AGO3: variants seen among roughly 807,000 people sequenced by gnomAD.
AGO3 encodes argonaute RISC catalytic component 3.
In AGO3, 16 loss-of-function variants were observed where a neutral mutation model predicts 105.5. The observed-to-expected ratio is 0.15, with a 90% CI of 0.10 to 0.23. The LOEUF (loss-of-function observed/expected upper bound fraction) is 0.23, where lower values mean the gene tolerates loss of function less well. Among genes scored for constraint, AGO3 ranks in the 10% least tolerant of loss-of-function variants. The pLI is 1.00. For synonymous variants in AGO3, 340 were observed against 367.3 expected (o/e 0.93, Z 0.85); for missense variants, 534 against 1,088.0 (o/e 0.49, Z 7.16).
At position 36,016,473 on chromosome 1, in the gene AGO3, C is replaced by T. The variant is rs116428079; in HGVS notation, c.1406+2425C>T. Among the ~76,000 whole-genome samples, 1,266 of 152,254 alleles carry T rather than the reference C, an allele frequency of 8.3e-3. 20 individuals are homozygous for T. The highest frequency in any genetic ancestry group is 0.029 in the African/African-American group (1,187 of 41,556). On this transcript the variant is annotated intron_variant, in intron 11 of 18. Transcript: ENST00000373191. ...CTGGGATTACAGGCGTGAGCCACTG[C>T]GCCTGGCCTAGGTTACAGTTTACGA... is the stretch of plus-strand genomic sequence containing the variant.
intron 5 of AGO3, chr1:35,992,381 T>C (rs1430471151): frequency 6.6e-6 from 1 of 152,184 alleles, no homozygotes; most frequent in Non-Finnish European, 1.5e-5. Flanking sequence ...TCTACCTGCT[T>C]CTCAGACTGC....
In AGO3 at chr1:36,039,148, T is replaced by G. The variant is rs369362543; in HGVS notation, c.1843-642T>G. On this transcript the variant is annotated intron_variant, in intron 14 of 18. Coordinates refer to ENST00000373191, the MANE Select transcript of AGO3 (RefSeq NM_024852.4). ...AGGAAAATAGTTTTTTACCCTATAC[T>G]AGGTGTTTTATTCTGTTCTTCAACG... Among the ~76,000 whole-genome samples the G allele has an allele frequency of 1.1e-4, 17 of 152,328 alleles. No homozygotes were observed. In the East Asian group the frequency reaches 1.5e-3, roughly 14 times the overall value.
chr1:35,972,856 ATTTTT>A (rs1165696072), intron 4 of AGO3, among the ~76,000 whole-genome samples: 2 of 122,894 alleles, frequency 1.6e-5, no homozygotes, highest in Admixed American at 9.6e-5. Flanking sequence ...TTAAAAAAAA[ATTTTT>A]TTTTTTTTTT....
chr1:35,946,428 C>T lies in AGO3; in HGVS notation c.191+565C>T, dbSNP rs530600599. On this transcript the variant is annotated intron_variant, in intron 2 of 18. Coordinates refer to ENST00000373191, the MANE Select transcript of AGO3 (RefSeq NM_024852.4). ...CCATTTATATTCTTGGATGTGGTTTCGGTAATACAGGAAATATAAGAGGAA... is the reference window on the plus strand; with the variant it reads ...CCATTTATATTCTTGGATGTGGTTTTGGTAATACAGGAAATATAAGAGGAA... Among the ~76,000 whole-genome samples, 15 of 152,070 alleles carry T rather than the reference C, an allele frequency of 9.9e-5. No individual in the cohort carries two copies. The South Asian group carries it at 2.9e-3, about 29-fold the overall frequency.
At chr1:35,971,801 A>G (rs1359663903) in intron 3 of AGO3, among the ~76,000 whole-genome samples, 1 of 152,012 alleles carries the variant, frequency 6.6e-6, no homozygotes, top group Non-Finnish European at 1.5e-5. Context: ...AGCCGCATAG[A>G]TGTTGGAGCA....
intron 5 of AGO3, among the ~76,000 whole-genome samples, chr1:35,999,349 A>G (rs924841698): frequency 6.6e-6 from 1 of 152,168 alleles, no homozygotes; most frequent in Non-Finnish European, 1.5e-5. Flanking sequence ...TCTAAAAAAA[A>G]ATAAAGACTT....
At chr1:36,053,090 T>G (rs537546517) in intron 17 of AGO3, among the ~76,000 whole-genome samples, 2 of 152,310 alleles carry the variant, frequency 1.3e-5, no homozygotes, top group South Asian at 2.1e-4. Flanking sequence ...AGGAGAAAGA[T>G]TCTCTCTTCA....
At chr1:35,954,161 G>A (rs1200930986) in intron 2 of AGO3, among the ~76,000 whole-genome samples, 1 of 152,120 alleles carries the variant, frequency 6.6e-6, no homozygotes, top group Non-Finnish European at 1.5e-5. Context: ...TACAAAATAT[G>A]TCAGCTAATA....
intron 2 of AGO3, among the ~76,000 whole-genome samples, chr1:35,949,695 C>T (rs901570484): frequency 6.6e-6 from 1 of 152,218 alleles, no homozygotes. Context: ...AATCATAGCA[C>T]ACTGTGTTCT....
At chr1:35,955,928 C>T (rs1399374809) in intron 2 of AGO3, among the ~76,000 whole-genome samples, 2 of 152,122 alleles carry the variant, frequency 1.3e-5, no homozygotes, top group African/African-American at 2.4e-5. Flanking sequence ...TCCCATTACT[C>T]TCCTAGGATT....
At chr1:36,044,248 C>T (rs1271715313) in intron 17 of AGO3, among the ~76,000 whole-genome samples, 2 of 152,034 alleles carry the variant, frequency 1.3e-5, no homozygotes, top group Non-Finnish European at 2.9e-5. Flanking sequence ...AGGAGGCTGT[C>T]GTGGGAGGAT....
intron 2 of AGO3, among the ~76,000 whole-genome samples, chr1:35,952,164 T>TGACAGAGTC (rs1646486074): frequency 7.5e-6 from 1 of 133,576 alleles, no homozygotes; most frequent in African/African-American, 2.9e-5. Flanking sequence ...TTTTTTTTTT[T>TGACAGAGTC]TTGACAGAGT....
At chr1:36,031,896 GT>G (rs1459035598) in intron 12 of AGO3, among the ~76,000 whole-genome samples, 12 of 144,078 alleles carry the variant, frequency 8.3e-5, no homozygotes, top group Admixed American at 2.1e-4. Context: ...ATATGTGTGT[GT>G]GGGGGGGCGG....
intron 5 of AGO3, among the ~76,000 whole-genome samples, chr1:35,996,144 G>GC (rs903643945): frequency 9.2e-5 from 14 of 152,138 alleles, no homozygotes; most frequent in African/African-American, 3.4e-4. Context: ...TTTGAGACCA[G>GC]CCTGGGCAAC....
At chr1:35,982,556 C>A in intron 5 of AGO3, 1 of 679,032 alleles carries the variant, frequency 1.5e-6, no homozygotes, top group Non-Finnish European at 2.7e-6. Flanking sequence ...TCTCTCTATC[C>A]TTTAGATAGG....
intron 1 of AGO3, among the ~76,000 whole-genome samples, chr1:35,935,512 A>G (rs1391458893): frequency 8.5e-5 from 13 of 152,262 alleles, no homozygotes; most frequent in Admixed American, 7.9e-4. Flanking sequence ...ATTGTATGTA[A>G]TAAGTTGGTA....
chr1:35,980,794 A>G (rs1242655164), intron 5 of AGO3, among the ~76,000 whole-genome samples: 2 of 152,148 alleles, frequency 1.3e-5, no homozygotes, highest in Non-Finnish European at 2.9e-5. Context: ...TAATTTAGAA[A>G]TTATTTTATT....
intron 11 of AGO3, among the ~76,000 whole-genome samples, chr1:36,018,249 G>A (rs886530140): frequency 6.6e-6 from 1 of 151,886 alleles, no homozygotes; most frequent in Admixed American, 6.6e-5. Flanking sequence ...TGAGATTACA[G>A]TTGTGAGCCA....
chr1:36,026,897 C>T (rs61059603), intron 11 of AGO3, among the ~76,000 whole-genome samples: 2,316 of 152,288 alleles, frequency 0.015, 50 homozygotes, highest in African/African-American at 0.053. Context: ...TCCTTGTAAA[C>T]TACAGAATGC....
Sources: gnomAD v4.1 joint callset for allele counts (sites outside exome capture counted in the v4.1 genomes callset) on GRCh38, gnomAD v4.1.1 for gene constraint, MANE v1.5 for transcripts, NCBI Gene and HGNC (gene_info 2026-07-23, HGNC 2026-07-21) for gene names.